Variants in FRY observed in about 807,000 individuals in gnomAD.
The protein encoded by FRY is protein furry homolog.
FRY carries 128 observed loss-of-function variants against 348.4 expected under a neutral mutation model. The ratio of observed to expected loss-of-function variants is 0.37; its 90% CI spans 0.32 to 0.43. The LOEUF (loss-of-function observed/expected upper bound fraction) is 0.43. Among genes scored for constraint, FRY ranks in the 20% least tolerant of loss-of-function variants. The pLI is 1.00. For missense variants in FRY, 2,736 were observed against 3,695.2 expected (o/e 0.74, Z 6.73); for synonymous variants, 1,370 against 1,374.7 (o/e 1.00, Z 0.08).
chr13:32,034,128 G>C (rs1872385255), intron 1 of FRY, among the ~76,000 whole-genome samples: 1 of 152,188 alleles, frequency 6.6e-6, no homozygotes, highest in Non-Finnish European at 1.5e-5. Context: ...TGGAGACTCA[G>C]CCTCTTAATT....
intron 3 of FRY, among the ~76,000 whole-genome samples, chr13:32,113,035 T>C (rs1164040025): frequency 2.6e-5 from 4 of 152,236 alleles, no homozygotes; most frequent in African/African-American, 7.2e-5. Flanking sequence ...ATTTAATGTA[T>C]AGATTTTTAT....
intron 60 of FRY, among the ~76,000 whole-genome samples, chr13:32,294,847 T>C (rs547196870): frequency 6.6e-6 from 1 of 152,348 alleles, no homozygotes; most frequent in South Asian, 2.1e-4. Flanking sequence ...TTTGAATATA[T>C]TCTTTTTGGT....
intron 17 of FRY, among the ~76,000 whole-genome samples, chr13:32,169,626 C>T (rs955336471): frequency 2.0e-5 from 3 of 152,116 alleles, no homozygotes; most frequent in African/African-American, 7.2e-5. Context: ...CCCAAAGACC[C>T]TTCAGTTGAG....
chr13:32,220,473 G>A (rs960470576), intron 36 of FRY, among the ~76,000 whole-genome samples: 9 of 152,162 alleles, frequency 5.9e-5, no homozygotes, highest in African/African-American at 2.2e-4. Flanking sequence ...TCCCCTCAGG[G>A]GATTGTACCA....
chr13:32,276,777 C>A (rs554988870), intron 57 of FRY, among the ~76,000 whole-genome samples: 1 of 152,076 alleles, frequency 6.6e-6, no homozygotes, highest in East Asian at 1.9e-4. Context: ...TTTCAGCATT[C>A]ACTTTTAGCC....
At chr13:32,292,663 G>A (rs1593861502) in intron 59 of FRY, among the ~76,000 whole-genome samples, 1 of 151,926 alleles carries the variant, frequency 6.6e-6, no homozygotes, top group Non-Finnish European at 1.5e-5. Context: ...ATGGTAGCCC[G>A]TGCCCGTAAT....
At chr13:32,277,606 A>G (rs1258683726) in intron 57 of FRY, among the ~76,000 whole-genome samples, 1 of 152,168 alleles carries the variant, frequency 6.6e-6, no homozygotes, top group East Asian at 1.9e-4. Context: ...CAGAAATAAT[A>G]TCTGTAAACT....
intron 39 of FRY, among the ~76,000 whole-genome samples, chr13:32,227,693 G>A (rs189611451): frequency 1.1e-4 from 17 of 151,004 alleles, no homozygotes; most frequent in Middle Eastern, 3.4e-3. Flanking sequence ...AAAATATTAT[G>A]TAAAAGTAAC....
chr13:32,197,813 T>G (rs979061661), intron 29 of FRY, among the ~76,000 whole-genome samples: 4 of 152,208 alleles, frequency 2.6e-5, no homozygotes, highest in Non-Finnish European at 5.9e-5. Flanking sequence ...TAGCGGACAT[T>G]TCCCAAATTC....
chr13:32,147,700 G>C (rs1880542863), intron 12 of FRY, 139 bp from the exon 13 acceptor site: 1 of 717,882 alleles, frequency 1.4e-6, no homozygotes, highest in Admixed American at 2.0e-5. Context: ...TTATGCTAAT[G>C]GAAAGAGGTG....
In FRY at chr13:32,078,838, T is replaced by C. The variant is rs771684932; in HGVS notation, c.75T>C (p.Ser25=). The part of the protein sequence containing the change: ...KYLLKSWSNT[S]PVGNGYIKPP... ...AATGCCCATTCTGTTTTTCAGCTTC[T>C]CCCGTTGGCAACGGTTACATCAAGC... Residue 25 remains serine (S), a synonymous_variant, in exon 2 of 61, where the codon TCT becomes TCC. Transcript: ENST00000542859. 1.9e-6 allele frequency: 3 copies of C among 1,613,568 alleles called. No individual in the cohort carries two copies. The South Asian group carries it at 3.3e-5, about 18-fold the overall frequency.
At chr13:32,047,818 C>T (rs1255852132) in intron 1 of FRY, among the ~76,000 whole-genome samples, 1 of 152,224 alleles carries the variant, frequency 6.6e-6, no homozygotes, top group African/African-American at 2.4e-5. Flanking sequence ...GGTGATCTGC[C>T]TGCTTCGGCC....
At chr13:32,188,058 A>G (rs1883126003) in intron 28 of FRY, among the ~76,000 whole-genome samples, 2 of 152,166 alleles carry the variant, frequency 1.3e-5, no homozygotes, top group South Asian at 4.1e-4. Flanking sequence ...TGAAAGTACT[A>G]TATCCTAAAC....
intron 2 of FRY, among the ~76,000 whole-genome samples, chr13:32,090,785 A>G (rs564604827): frequency 1.3e-5 from 2 of 151,912 alleles, no homozygotes; most frequent in African/African-American, 4.8e-5. Context: ...TTAACTTTGT[A>G]GCTGAATTTA....
chr13:32,057,162 CT>C (rs896497886), intron 1 of FRY, among the ~76,000 whole-genome samples: 2 of 151,486 alleles, frequency 1.3e-5, no homozygotes, highest in Admixed American at 6.6e-5. Flanking sequence ...TTTATTTTTA[CT>C]TTTTTTTATT....
At chr13:32,034,395 T>C (rs1872400405) in intron 1 of FRY, among the ~76,000 whole-genome samples, 1 of 152,196 alleles carries the variant, frequency 6.6e-6, no homozygotes, top group Non-Finnish European at 1.5e-5. Flanking sequence ...TTTCATTCGA[T>C]GTTCATTTTG....
intron 57 of FRY, among the ~76,000 whole-genome samples, chr13:32,277,941 A>C (rs1454745593): frequency 6.6e-6 from 1 of 152,210 alleles, no homozygotes; most frequent in Non-Finnish European, 1.5e-5. Flanking sequence ...TGTGTTAGTT[A>C]CTACCCCAGA....
chr13:32,179,867 T>G, intron 23 of FRY, 68 bp downstream of exon 23: 1 of 1,493,194 alleles, frequency 6.7e-7, no homozygotes, highest in Non-Finnish European at 9.3e-7. Context: ...CTTTATTAAC[T>G]CAGATTTGAG....
chr13:32,107,961 C>T (rs943701799), intron 3 of FRY, among the ~76,000 whole-genome samples: 9 of 152,106 alleles, frequency 5.9e-5, no homozygotes, highest in Admixed American at 2.0e-4. Flanking sequence ...CAGGGCTTAG[C>T]GAGTAAAAGG....
Sources: gnomAD v4.1 joint callset for allele counts (sites outside exome capture counted in the v4.1 genomes callset) on GRCh38, gnomAD v4.1.1 for gene constraint, MANE v1.5 for transcripts, NCBI Gene and HGNC (gene_info 2026-07-23, HGNC 2026-07-21) for gene names.